SYCP2: variants seen among roughly 807,000 people sequenced by gnomAD.
SYCP2 encodes the protein synaptonemal complex protein 2.
A neutral mutation model predicts 211.3 loss-of-function variants in SYCP2; 55 were observed. The ratio of observed to expected loss-of-function variants is 0.26; its 90% confidence interval spans 0.21 to 0.33. The LOEUF (loss-of-function observed/expected upper bound fraction) is 0.33, where lower values mean the gene tolerates loss of function less well. Among genes scored for constraint, SYCP2 ranks in the 10% least tolerant of loss-of-function variants. The pLI, the probability that SYCP2 is intolerant of heterozygous loss-of-function variation, is 1.00. For missense variants in SYCP2, 1,731 were observed against 1,752.0 expected (o/e 0.99, Z 0.21); for synonymous variants, 570 against 555.2 (o/e 1.03, Z -0.37).
intron 32 of SYCP2, 62 bp from the exon 33 acceptor site, chr20:59,877,617 T>A: frequency 1.4e-6 from 2 of 1,440,110 alleles, no homozygotes; most frequent in East Asian, 4.7e-5. Context: ...TACAAGCAAT[T>A]TGCTATAAAA....
chr20:59,870,213 T>C (rs981558542), intron 35 of SYCP2, among the ~76,000 whole-genome samples: 1 of 151,766 alleles, frequency 6.6e-6, no homozygotes, highest in Non-Finnish European at 1.5e-5. Flanking sequence ...GTACAGTTTC[T>C]ATGCTCCAGA....
chr20:59,924,517 C>A (rs1408676832), intron 2 of SYCP2, among the ~76,000 whole-genome samples: 1 of 151,852 alleles, frequency 6.6e-6, no homozygotes, highest in Non-Finnish European at 1.5e-5. Flanking sequence ...GGATGGATAC[C>A]CCATTCTCCA....
chr20:59,932,328 A>G (rs1018083292), intron 1 of SYCP2, among the ~76,000 whole-genome samples, 174 bp from the exon 2 acceptor site: 3 of 152,186 alleles, frequency 2.0e-5, no homozygotes, highest in Non-Finnish European at 2.9e-5. Flanking sequence ...GTGTCCAAAA[A>G]GACATTAAAG....
intron 24 of SYCP2, among the ~76,000 whole-genome samples, chr20:59,888,063 G>A (rs1416127336): frequency 1.3e-5 from 2 of 151,978 alleles, no homozygotes; most frequent in African/African-American, 4.8e-5. Context: ...GAGTTCACTT[G>A]TGAACTCTAT....
At chr20:59,865,998 A>G (rs916579899) in intron 41 of SYCP2, 133 bp from the exon 42 acceptor site, 22 of 448,510 alleles carry the variant, frequency 4.9e-5, no homozygotes, top group African/African-American at 4.1e-4. Flanking sequence ...ACAAATTTAA[A>G]TAAACAGTAT....
At chr20:59,875,782 T>G (rs1354897106) in intron 33 of SYCP2, among the ~76,000 whole-genome samples, 1 of 152,088 alleles carries the variant, frequency 6.6e-6, no homozygotes, top group Non-Finnish European at 1.5e-5. Context: ...TTTGAGATAC[T>G]AAGGAGTTTG....
intron 22 of SYCP2, 57 bp from the exon 23 acceptor site, chr20:59,892,758 C>A: frequency 1.3e-6 from 2 of 1,510,302 alleles, no homozygotes; most frequent in Non-Finnish European, 1.8e-6. Flanking sequence ...GACTTTAAGA[C>A]CTTGATTTTT....
chr20:59,868,960 G>A lies in SYCP2; in HGVS notation c.3742-35C>T, dbSNP rs756975654. The A allele has an allele frequency of 3.7e-5, 55 of 1,474,046 alleles. No homozygotes were observed. The African/African-American group carries it at 5.7e-4, about 15-fold the overall frequency. 91.3% of individuals were successfully genotyped at this position (1,474,046 alleles called of 1,614,324 possible). On this transcript the variant is annotated intron_variant, in intron 36 of 44. Coordinates refer to ENST00000357552, the MANE Select transcript of SYCP2 (RefSeq NM_014258.4). ...GTATTAGAAATTAGAAAAAAATTCC[G>A]TAAATATATTTCAATTCACATTTTA...
intron 2 of SYCP2, among the ~76,000 whole-genome samples, chr20:59,931,667 G>C (rs2060744469): frequency 6.6e-6 from 1 of 152,128 alleles, no homozygotes; most frequent in Admixed American, 6.6e-5. Flanking sequence ...ATTAATTACA[G>C]CACAGAAAAA....
chr20:59,864,469 T>C (rs2059291312), intron 44 of SYCP2, 81 bp from the exon 45 acceptor site: 2 of 924,358 alleles, frequency 2.2e-6, no homozygotes, highest in East Asian at 2.6e-5. Context: ...AAAAAAAAAA[T>C]CAAGCTGTTA....
chr20:59,868,966 A>C, intron 36 of SYCP2, 41 bp from the exon 37 acceptor site: 1 of 1,433,176 alleles, frequency 7.0e-7, no homozygotes, highest in Non-Finnish European at 9.7e-7. Context: ...TTCCGTAAAT[A>C]TATTTCAATT....
At chr20:59,930,406 A>G (rs932145192) in intron 2 of SYCP2, among the ~76,000 whole-genome samples, 6 of 152,234 alleles carry the variant, frequency 3.9e-5, no homozygotes, top group Admixed American at 3.3e-4. Flanking sequence ...GGTAAGAGAA[A>G]AGAGATATTG....
Position 59,896,430 on chromosome 20 carries a change from T to C in SYCP2, c.1503A>G (p.Thr501=). Residue 501 remains threonine, a splice_region_variant and synonymous_variant, in exon 19 of 45, where the codon ACA becomes ACG. Transcript: ENST00000357552. ...ATCTTTTAAAACTATAAAACTTACA[T>C]GTGTTGCTGAAAAGCACTGGACTTC... ...TMRSPVLFSN[T]SIPPRRRRIK... is the part of the protein sequence containing the mutation. The C allele has an allele frequency of 2.0e-6, 3 of 1,522,332 alleles. No homozygotes were observed. The highest frequency in any genetic ancestry group is 1.2e-5 in the South Asian group (1 of 84,752). The allele number at this position is 1,522,332 out of a possible 1,614,324, so 94.3% of individuals were successfully genotyped here.
rs1358323655 is a variant in SYCP2, at chr20:59,866,497, A to C, written c.4218T>G (p.Ser1406=). ...CAGAACAGATTTTTATTACAGACCT[A>C]GAGTCCTGACTTTGATGATTCATTG... ...LRTMNHQSQD[S]RIKKLDKFQF... is the part of the protein sequence containing the mutation. Residue 1406 remains serine (S), a splice_region_variant and synonymous_variant, in exon 40 of 45, where the codon TCT becomes TCG. Coordinates refer to ENST00000357552, the MANE Select transcript of SYCP2 (RefSeq NM_014258.4). 2 of 1,607,604 alleles carry C rather than the reference A, an allele frequency of 1.2e-6. No individual in the cohort carries two copies. Among genetic ancestry groups the C allele is most frequent in the Non-Finnish European group, 1.7e-6 (2 of 1,176,832 alleles).
chr20:59,930,101 C>T (rs1198698532), intron 2 of SYCP2, among the ~76,000 whole-genome samples: 5 of 152,172 alleles, frequency 3.3e-5, no homozygotes, highest in African/African-American at 9.7e-5. Flanking sequence ...ATCCAGGACT[C>T]AGCCCTACCC....
In SYCP2 at chr20:59,882,316, T is replaced by C. The variant is rs1349613744; in HGVS notation, c.2530-151A>G. The C allele has an allele frequency of 4.6e-6, 3 of 652,966 alleles. No homozygotes were observed. The Admixed American group carries it at 8.2e-5, about 18-fold the overall frequency. The allele number at this position is 652,966 out of a possible 1,614,324, so 40.4% of individuals were successfully genotyped here. A position where few individuals can be genotyped will look rare whatever the true frequency, so the allele number is the denominator to read the frequency against. ...TACCAAAAAGACAGGCAATAACAGA[T>C]GCTAGTGAGGATGTGGGCCTCATAC... On this transcript the variant is annotated intron_variant, in intron 26 of 44. Transcript: ENST00000357552.
chr20:59,925,238 T>G (rs984189022), intron 2 of SYCP2, among the ~76,000 whole-genome samples: 3 of 151,948 alleles, frequency 2.0e-5, no homozygotes, highest in Non-Finnish European at 4.4e-5. Context: ...GGGAGAGCAT[T>G]AGGAAAAATG....
chr20:59,903,212 T>C lies in SYCP2; in HGVS notation c.1034-1402A>G, dbSNP rs148900546. Among the ~76,000 whole-genome samples, 140 of 152,274 alleles carry C rather than the reference T, an allele frequency of 9.2e-4. 1 individual carries two copies. Among genetic ancestry groups the C allele is most frequent in the African/African-American group, 3.2e-3 (134 of 41,566 alleles). ...CCTGATATTTGCTCTGTCTGGACTA[T>C]ATAATGGCTTGGTTTCCTTTTTAAT... On this transcript the variant is annotated intron_variant, in intron 15 of 44. Transcript: ENST00000357552.
At chr20:59,903,580 C>T (rs1361971240) in intron 15 of SYCP2, among the ~76,000 whole-genome samples, 1 of 152,014 alleles carries the variant, frequency 6.6e-6, no homozygotes, top group Non-Finnish European at 1.5e-5. Flanking sequence ...GGAGAAATTA[C>T]CCTTCAACAA....
Sources: allele counts gnomAD v4.1 joint callset (sites outside exome capture counted in the v4.1 genomes callset), GRCh38; gene constraint gnomAD v4.1.1; transcripts MANE v1.5; gene names NCBI Gene and HGNC (gene_info 2026-07-23, HGNC 2026-07-21).